The following DTNB variants were observed in gnomAD, a reference collection of about 807,000 sequenced individuals.
The protein encoded by DTNB is DTN-B.
DTNB carries 63 observed loss-of-function variants against 90.7 expected under a neutral mutation model. That is an observed-to-expected ratio of 0.69 (90% CI 0.57 to 0.86). The LOEUF (loss-of-function observed/expected upper bound fraction) is 0.86. Among genes scored for constraint, DTNB ranks in the 40% least tolerant of loss-of-function variants. DTNB has a pLI of 0.00. For synonymous variants in DTNB, 277 were observed against 286.7 expected, an observed-to-expected ratio of 0.97 and a Z score of 0.34; for missense variants, 744 against 807.1, an observed-to-expected ratio of 0.92 and a Z score of 0.95.
intron 12 of DTNB, among the ~76,000 whole-genome samples, chr2:25,441,649 G>A (rs1574505090): frequency 6.6e-6 from 1 of 152,152 alleles, no homozygotes. Flanking sequence ...AGCAGAATTT[G>A]CTCTTTCAAG....
At chr2:25,473,502 G>A (rs947082793) in intron 10 of DTNB, among the ~76,000 whole-genome samples, 1 of 152,172 alleles carries the variant, frequency 6.6e-6, no homozygotes, top group African/African-American at 2.4e-5. Flanking sequence ...GTGTGTATCA[G>A]AAAGAGAGAC....
rs113590157 is a variant in DTNB, at chr2:25,653,433, A to T, written c.-1-772T>A. Among the ~76,000 whole-genome samples the T allele has an allele frequency of 8.6e-3, 1,147 of 133,926 alleles. 14 individuals carry two copies. Among genetic ancestry groups the T allele is most frequent in the African/African-American group, 0.021 (739 of 34,996 alleles). 87.9% of individuals were successfully genotyped at this position (133,926 alleles called of 152,430 possible). On this transcript the variant is annotated intron_variant, in intron 1 of 20. Transcript: ENST00000406818. Reference sequence around the variant, plus strand: ...AAGTCCAATTAAACGTTTTTTTTTTAAAAAAAAAAAAAAGAAAGAAGGAAA... The same window carrying T: ...AAGTCCAATTAAACGTTTTTTTTTTTAAAAAAAAAAAAAGAAAGAAGGAAA...
chr2:25,379,230 G>T, intron 20 of DTNB, 60 bp downstream of exon 20: 2 of 1,292,338 alleles, frequency 1.5e-6, no homozygotes, highest in Non-Finnish European at 2.0e-6. Context: ...GGGAGGGGAA[G>T]GGAAGATGCT....
chr2:25,499,629 C>A (rs577178430), intron 9 of DTNB, among the ~76,000 whole-genome samples: 14 of 152,324 alleles, frequency 9.2e-5, no homozygotes, highest in African/African-American at 3.4e-4. Flanking sequence ...CTGCTATATT[C>A]TCTCATAGTA....
chr2:25,392,809 C>T (rs2041498304), intron 16 of DTNB, among the ~76,000 whole-genome samples: 1 of 152,122 alleles, frequency 6.6e-6, no homozygotes. Flanking sequence ...TGAACTCCAT[C>T]AGACATTCAA....
intron 8 of DTNB, among the ~76,000 whole-genome samples, chr2:25,552,996 G>A (rs2056628376): frequency 6.6e-6 from 1 of 151,030 alleles, no homozygotes; most frequent in South Asian, 2.1e-4. Context: ...GAGTAGCTGG[G>A]ACTACAGGCG....
chr2:25,383,484 G>A (rs2038498821), intron 19 of DTNB, among the ~76,000 whole-genome samples: 1 of 152,140 alleles, frequency 6.6e-6, no homozygotes, highest in Non-Finnish European at 1.5e-5. Context: ...CTCCCAAAGT[G>A]CTGGGATTAC....
At chr2:25,624,360 C>T (rs1197665403) in intron 4 of DTNB, among the ~76,000 whole-genome samples, 4 of 152,198 alleles carry the variant, frequency 2.6e-5, no homozygotes, top group Admixed American at 2.0e-4. Flanking sequence ...AAGATGGGTA[C>T]TTCTGCTCGG....
At chr2:25,399,741 G>A (rs778701689) in intron 16 of DTNB, among the ~76,000 whole-genome samples, 4 of 152,232 alleles carry the variant, frequency 2.6e-5, no homozygotes, top group Admixed American at 1.3e-4. Flanking sequence ...TCATATCCGG[G>A]TGGAGTCTCC....
chr2:25,594,959 T>C (rs2064287561), intron 6 of DTNB: 1 of 152,250 alleles, frequency 6.6e-6, no homozygotes. Context: ...CAGAAAATCC[T>C]GGCTTGTGAG....
At chr2:25,522,248 A>G (rs988762813) in intron 9 of DTNB, among the ~76,000 whole-genome samples, 2 of 152,236 alleles carry the variant, frequency 1.3e-5, no homozygotes, top group African/African-American at 4.8e-5. Flanking sequence ...TGTTTACTCA[A>G]TATTCTCACC....
At chr2:25,534,441 T>G (rs2078933559) in intron 8 of DTNB, among the ~76,000 whole-genome samples, 1 of 152,116 alleles carries the variant, frequency 6.6e-6, no homozygotes, top group African/African-American at 2.4e-5. Flanking sequence ...TTCTGTTTCT[T>G]TTCCCCACAT....
At chr2:25,499,515 C>A (rs72797640) in intron 9 of DTNB, among the ~76,000 whole-genome samples, 2,700 of 152,238 alleles carry the variant, frequency 0.018, 39 homozygotes, top group Non-Finnish European at 0.031. Context: ...AAGGGTAGCT[C>A]CACTTCTATT....
intron 10 of DTNB, among the ~76,000 whole-genome samples, chr2:25,476,572 T>C (rs568274221): frequency 6.6e-5 from 10 of 152,170 alleles, no homozygotes; most frequent in South Asian, 4.2e-4. Flanking sequence ...TTGGAAGAAA[T>C]TGATTCCAAC....
chr2:25,490,394 T>C (rs965896831), intron 9 of DTNB, among the ~76,000 whole-genome samples: 3 of 152,008 alleles, frequency 2.0e-5, no homozygotes, highest in South Asian at 2.1e-4. Flanking sequence ...TTACTACTAG[T>C]CAAGAGTGAA....
chr2:25,619,832 G>C (rs893308844), intron 4 of DTNB, among the ~76,000 whole-genome samples: 3 of 152,086 alleles, frequency 2.0e-5, no homozygotes, highest in Non-Finnish European at 4.4e-5. Flanking sequence ...AGGAGGTCAG[G>C]AGTTTGAGAC....
At chr2:25,432,370 A>G (rs1217905533) in intron 14 of DTNB, among the ~76,000 whole-genome samples, 1 of 152,068 alleles carries the variant, frequency 6.6e-6, no homozygotes, top group East Asian at 1.9e-4. Context: ...TCCCATTCTC[A>G]TCCTATGTCC....
intron 1 of DTNB, among the ~76,000 whole-genome samples, chr2:25,668,142 G>T (rs1259927314): frequency 2.0e-5 from 3 of 152,176 alleles, no homozygotes; most frequent in Non-Finnish European, 4.4e-5. Flanking sequence ...GGGAGGCTGA[G>T]GCAGGAGAAT....
intron 10 of DTNB, among the ~76,000 whole-genome samples, chr2:25,474,894 T>C (rs1014011034): frequency 1.3e-5 from 2 of 152,236 alleles, no homozygotes; most frequent in African/African-American, 4.8e-5. Context: ...GGTGTTACTA[T>C]TGTAATTGTT....
Sources: gnomAD v4.1 joint callset for allele counts (sites outside exome capture counted in the v4.1 genomes callset) on GRCh38, gnomAD v4.1.1 for gene constraint, MANE v1.5 for transcripts, NCBI Gene and HGNC (gene_info 2026-07-23, HGNC 2026-07-21) for gene names.